VCP: variants seen among roughly 807,000 people sequenced by gnomAD.
VCP encodes transitional endoplasmic reticulum ATPase.
Under a neutral mutation model 85.7 loss-of-function variants are expected in VCP, and 6 were observed. That is an observed-to-expected ratio of 0.07 (90% CI 0.04 to 0.14). The LOEUF (loss-of-function observed/expected upper bound fraction) is 0.14, where lower values mean the gene tolerates loss of function less well. Among genes scored for constraint, VCP ranks in the 10% least tolerant of loss-of-function variants. The pLI is 1.00. For missense variants in VCP, 353 were observed against 1,043.4 expected (o/e 0.34, Z 9.12); for synonymous variants, 384 against 367.1 (o/e 1.05, Z -0.53).
At chr9:35,072,095 G>C (rs1051499618) in intron 1 of VCP, 2 of 1,333,048 alleles carry the variant, frequency 1.5e-6, no homozygotes, top group African/African-American at 3.1e-5. Context: ...GACACAGCAC[G>C]ATCCGGCCCA....
chr9:35,066,665 T>C lies in VCP; in HGVS notation c.445+10A>G, dbSNP rs752124708. 1 of 1,613,964 alleles carries C rather than the reference T, an allele frequency of 6.2e-7. No homozygotes were observed. The highest frequency in any genetic ancestry group is 8.5e-7 in the Non-Finnish European group (1 of 1,179,982). On this transcript the variant is annotated intron_variant, in intron 4 of 16. Transcript: ENST00000358901. ...AGTCAATAATCCTTAAGCTCAGAAT[T>C]AGCTCTCACCTTTCCGGATGGGTCG...
chr9:35,066,959 C>T, intron 3 of VCP, 142 bp from the exon 4 acceptor site: 1 of 1,378,222 alleles, frequency 7.3e-7, no homozygotes, highest in Non-Finnish European at 1.0e-6. Context: ...GGAAGGAGAA[C>T]AGGGTGGAAG....
In VCP at chr9:35,063,000, T is replaced by A; in HGVS notation, c.789A>T (p.Gly263=). Residue 263 remains glycine (G), a synonymous_variant, in exon 7 of 17, where the codon GGA becomes GGT. Coordinates refer to ENST00000358901, the MANE Select transcript of VCP (RefSeq NM_007126.5). ...LIARAVANET[G]AFFFLINGPE... ...CACCATTGATCAAGAAGAAGAAGGC[T>A]CCAGTCTCATTTGCTACAGCTCGAG... The A allele has an allele frequency of 1.2e-6, 2 of 1,613,984 alleles. No homozygotes were observed. The highest frequency in any genetic ancestry group is 2.2e-5 in the South Asian group (2 of 91,080).
chr9:35,056,890 A>C lies in VCP; in HGVS notation c.*227T>G. On this transcript the variant is annotated 3_prime_UTR_variant, in exon 17 of 17. Transcript: ENST00000358901. Reference sequence around the variant, plus strand: ...GCCCAAGGCCCAATTCCCTGTTGGTAATTCACTCTCCGCCTACCAAATGAA... The same window carrying C: ...GCCCAAGGCCCAATTCCCTGTTGGTCATTCACTCTCCGCCTACCAAATGAA... 2 of 519,892 alleles carry C rather than the reference A, an allele frequency of 3.8e-6. No individual in the cohort carries two copies. The highest frequency in any genetic ancestry group is 7.1e-6 in the Non-Finnish European group (2 of 283,582). 32.2% of individuals were successfully genotyped at this position (519,892 alleles called of 1,614,324 possible).
rs1039744089 is a variant in VCP at position 35,066,248 on chromosome 9, T to C, written c.445+427A>G. Among the ~76,000 whole-genome samples the C allele has an allele frequency of 3.4e-5, 5 of 148,304 alleles. No homozygotes were observed. The South Asian group carries it at 6.5e-4, about 19-fold the overall frequency. The stretch of plus-strand genomic sequence containing the variant: ...CAGTTTGAGACCAGCCTGGGCATCA[T>C]AGTGAGACCCTGTCTCTTTTTTTTT... On this transcript the variant is annotated intron_variant, in intron 4 of 16. Transcript: ENST00000358901.
chr9:35,062,873 G>A, intron 7 of VCP, 105 bp downstream of exon 7: 1 of 1,013,290 alleles, frequency 9.9e-7, no homozygotes, highest in Non-Finnish European at 1.6e-6. Flanking sequence ...CTATAAACAT[G>A]AAGGAGGGCA....
chr9:35,067,982 C>T lies in VCP; in HGVS notation c.211G>A (p.Val71Ile), dbSNP rs748091463. Reference sequence around the variant, plus strand: ...TCAGAACAAGTATCATCAGAAAGGACGATGCAAACAGCTTCTCGTCTCTTC... The same window carrying T: ...TCAGAACAAGTATCATCAGAAAGGATGATGCAAACAGCTTCTCGTCTCTTC... Reference protein sequence around the residue: ...GKKRREAVCIVLSDDTCSDEK... With the variant: ...GKKRREAVCIILSDDTCSDEK... The change falls in exon 3 of 17, where the codon GTC (valine) becomes ATC (isoleucine). Residue 71 changes from valine to isoleucine, a missense_variant. Around this residue, in one of 8 missense-constraint regions of VCP, gnomAD observed 69 missense variants for 132.9 expected, o/e 0.52. Transcript: ENST00000358901. 3.1e-6 allele frequency: 5 copies of T among 1,614,230 alleles called. No individual in the cohort carries two copies. The highest frequency in any genetic ancestry group is 1.1e-5 in the South Asian group (1 of 91,084).
chr9:35,071,931 T>C, intron 1 of VCP: 1 of 1,035,226 alleles, frequency 9.7e-7, no homozygotes, highest in African/African-American at 1.7e-5. Flanking sequence ...GCCTGCTCTC[T>C]CCGGGGACCA....
chr9:35,064,409 G>A (rs746514004), intron 5 of VCP, 124 bp from the exon 6 acceptor site: 88 of 1,286,660 alleles, frequency 6.8e-5, no homozygotes, highest in African/African-American at 1.9e-4. Context: ...TTCTCAACCC[G>A]GCATGGTGGC....
At chr9:35,067,026 A>C (rs1441623012) in intron 3 of VCP, among the ~76,000 whole-genome samples, 1 of 152,228 alleles carries the variant, frequency 6.6e-6, no homozygotes, top group East Asian at 1.9e-4. Context: ...ATCAAGAGCC[A>C]CACATTTAGA....
Position 35,056,751 on chromosome 9 carries a change from G to A in VCP, c.*366C>T, listed in dbSNP as rs1349237508. 8 of 320,920 alleles carry A rather than the reference G, an allele frequency of 2.5e-5. No individual in the cohort carries two copies. Among genetic ancestry groups the A allele is most frequent in the East Asian group, 7.8e-5 (1 of 12,884 alleles). 19.9% of individuals were successfully genotyped at this position (320,920 alleles called of 1,614,324 possible). On this transcript the variant is annotated 3_prime_UTR_variant, in exon 17 of 17. Coordinates refer to ENST00000358901, the MANE Select transcript of VCP (RefSeq NM_007126.5). ...GTTGGATAGGGGGAAGGGAGGGCTC[G>A]GGCAGCATTGAGTCAAGTGCAGATG... is the stretch of plus-strand genomic sequence containing the variant.
At chr9:35,062,600 A>G (rs569103295) in intron 7 of VCP, among the ~76,000 whole-genome samples, 5 of 152,154 alleles carry the variant, frequency 3.3e-5, no homozygotes, top group Admixed American at 3.3e-4. Context: ...ATGCTCTAGG[A>G]CCTCTGGCTA....
chr9:35,068,134 G>T (rs1828869473), intron 2 of VCP, 71 bp from the exon 3 acceptor site: 1 of 1,610,782 alleles, frequency 6.2e-7, no homozygotes, highest in Non-Finnish European at 8.5e-7. Flanking sequence ...TGGAGATTGG[G>T]ATTCCCAGTA....
In VCP at chr9:35,072,585, G is replaced by GCAA; in HGVS notation, c.-233_-232insTTG. The GCAA allele has an allele frequency of 2.0e-6, 1 of 501,836 alleles. No homozygotes were observed. Among genetic ancestry groups the GCAA allele is most frequent in the South Asian group, 3.2e-5 (1 of 31,408 alleles). 31.1% of individuals were successfully genotyped at this position (501,836 alleles called of 1,614,324 possible). ...AGTGGCAGTGGCAGCGGCAGCGGCAGCGACGACTCAAACGACGGTCGCAGA... is the reference window on the plus strand; with the variant it reads ...AGTGGCAGTGGCAGCGGCAGCGGCAGCAACGACGACTCAAACGACGGTCGCAGA... On this transcript the variant is annotated 5_prime_UTR_variant, in exon 1 of 17. Transcript: ENST00000358901.
intron 1 of VCP, among the ~76,000 whole-genome samples, chr9:35,068,733 A>G (rs1382468402): frequency 2.6e-5 from 4 of 152,208 alleles, no homozygotes; most frequent in Admixed American, 2.6e-4. Context: ...GGAACTCTAT[A>G]GTCAGACCCA....
chr9:35,056,776 G>C lies in VCP; in HGVS notation c.*341C>G. ...GGGCAGCATTGAGTCAAGTGCAGAT[G>C]CTTTACTGTGGCAGGTGGCAGTAGT... On this transcript the variant is annotated 3_prime_UTR_variant, in exon 17 of 17. Transcript: ENST00000358901. 2.7e-6 allele frequency: 1 copy of C among 363,726 alleles called. No individual in the cohort carries two copies. Among genetic ancestry groups the C allele is most frequent in the East Asian group, 6.9e-5 (1 of 14,420 alleles). The allele number at this position is 363,726 out of a possible 1,614,324, so 22.5% of individuals were successfully genotyped here.
intron 15 of VCP, chr9:35,057,941 T>C (rs915962801): frequency 1.1e-4 from 33 of 303,044 alleles, no homozygotes; most frequent in Admixed American, 8.8e-4. Context: ...CTTAATACTT[T>C]AAAAGGAAAT....
At chr9:35,061,769 TCAGC>T (rs1828725845) in intron 9 of VCP, 80 bp from the exon 10 acceptor site, 10 of 1,402,022 alleles carry the variant, frequency 7.1e-6, no homozygotes, top group Non-Finnish European at 1.0e-5. Flanking sequence ...ACCAACCATC[TCAGC>T]CAGCACAGGA....
chr9:35,067,605 A>G (rs555454014), intron 3 of VCP, among the ~76,000 whole-genome samples: 1 of 152,350 alleles, frequency 6.6e-6, no homozygotes, highest in Non-Finnish European at 1.5e-5. Context: ...AAGCCAGGAT[A>G]TAAGTATGAT....
Sources: allele counts gnomAD v4.1 joint callset (sites outside exome capture counted in the v4.1 genomes callset), GRCh38; gene constraint gnomAD v4.1.1; regional missense constraint gnomAD v4.1.1; transcripts MANE v1.5; gene names NCBI Gene and HGNC (gene_info 2026-07-23, HGNC 2026-07-21).